Variants in FMR1NB observed in about 807,000 individuals in gnomAD.
FMR1NB encodes FMR1 neighbor protein.
FMR1NB carries 10 observed loss-of-function variants against 16.8 expected under a neutral mutation model. That is an observed-to-expected ratio of 0.60 (90% CI 0.37 to 1.01). The LOEUF is 1.01. Ranked by LOEUF, FMR1NB falls within the 50% of genes least tolerant of loss-of-function variation. The pLI is 0.01. For synonymous variants in FMR1NB, 83 were observed against 79.1 expected (o/e 1.05, Z -0.26); for missense variants, 205 against 204.8 (o/e 1.00, Z 0.00).
At chrX:147,994,355 A>G (rs1416129736) in intron 1 of FMR1NB, among the ~76,000 whole-genome samples, 1 of 112,381 alleles carries the variant, frequency 8.9e-6, no homozygotes, top group African/African-American at 3.2e-5. Flanking sequence ...TCATAATTAA[A>G]TAAAGTATAT....
chrX:148,006,225 A>C (rs1557189076), intron 2 of FMR1NB, among the ~76,000 whole-genome samples: 1 of 112,112 alleles, frequency 8.9e-6, no homozygotes, highest in Non-Finnish European at 1.9e-5. Flanking sequence ...CCAATATGAT[A>C]AGTGTTCACA....
At chrX:148,004,710 T>C (rs1208448775) in intron 2 of FMR1NB, among the ~76,000 whole-genome samples, 1 of 112,374 alleles carries the variant, frequency 8.9e-6, no homozygotes, top group Admixed American at 9.5e-5. Context: ...TTGTAAAATA[T>C]TTATCTCTTG....
intron 2 of FMR1NB, among the ~76,000 whole-genome samples, chrX:148,004,136 A>G (rs1557188869): frequency 8.9e-6 from 1 of 112,360 alleles, no homozygotes; most frequent in Non-Finnish European, 1.9e-5. Context: ...GAATAGCAAA[A>G]TAAACAAGTT....
intron 2 of FMR1NB, among the ~76,000 whole-genome samples, chrX:148,004,673 T>C (rs1427411518): frequency 2.7e-5 from 3 of 112,121 alleles, no homozygotes; most frequent in Non-Finnish European, 5.6e-5. Flanking sequence ...GAAAAAAAAG[T>C]TCGTTGTTTT....
At chrX:148,021,670 C>T (rs1432277442) in intron 4 of FMR1NB, among the ~76,000 whole-genome samples, 1 of 111,003 alleles carries the variant, frequency 9.0e-6, no homozygotes, top group African/African-American at 3.3e-5. Context: ...CATCCTTGGC[C>T]ACCCAGTTTC....
At chrX:147,987,329 T>C (rs1057041018) in intron 1 of FMR1NB, among the ~76,000 whole-genome samples, 9 of 111,960 alleles carry the variant, frequency 8.0e-5, no homozygotes, top group African/African-American at 2.3e-4. Context: ...TTCTCTGGCA[T>C]GATTGCTTTG....
chrX:148,014,153 T>C (rs182213049), intron 4 of FMR1NB, among the ~76,000 whole-genome samples: 1 of 111,312 alleles, frequency 9.0e-6, no homozygotes, highest in Non-Finnish European at 1.9e-5. Context: ...ATGATATATC[T>C]AATCCAAGAG....
intron 1 of FMR1NB, among the ~76,000 whole-genome samples, chrX:147,998,583 T>A (rs1452539267): frequency 2.7e-5 from 3 of 112,382 alleles, no homozygotes; most frequent in African/African-American, 9.7e-5. Flanking sequence ...TGCACATGTA[T>A]CCCAGAACTC....
At chrX:148,026,324 T>C (rs2044703412) in intron 5 of FMR1NB, among the ~76,000 whole-genome samples, 178 bp from the exon 6 acceptor site, 1 of 111,872 alleles carries the variant, frequency 8.9e-6, no homozygotes. Flanking sequence ...GTTTTATATG[T>C]ATGCCTCACA....
At position 148,015,644 on chromosome X, in the gene FMR1NB, T is replaced by C. The variant is rs138724830; in HGVS notation, c.632+6933T>C. The stretch of plus-strand genomic sequence containing the variant: ...ATAGTTTCCAAATTTCCTTTTGTTA[T>C]TGATTTCTAGTTTTATTCCATTTTG... On this transcript the variant is annotated intron_variant, in intron 4 of 5. Coordinates refer to ENST00000370467, the MANE Select transcript of FMR1NB (RefSeq NM_152578.3). 7.0e-3 allele frequency among the ~76,000 whole-genome samples: 787 copies of C among 112,505 alleles called. 7 individuals carry two copies. The highest frequency in any genetic ancestry group is 0.025 in the African/African-American group (764 of 31,001).
chrX:148,023,572 C>T (rs1246850273), intron 4 of FMR1NB, among the ~76,000 whole-genome samples: 2 of 111,980 alleles, frequency 1.8e-5, no homozygotes, highest in African/African-American at 6.5e-5. Context: ...TCTTCTTCTG[C>T]ATGCTACCTA....
At chrX:148,015,499 G>A (rs1410857486) in intron 4 of FMR1NB, among the ~76,000 whole-genome samples, 4 of 111,481 alleles carry the variant, frequency 3.6e-5, no homozygotes, top group Non-Finnish European at 5.7e-5. Context: ...TGTATCCCAG[G>A]TTTTGGTATA....
rs781996475 is a variant in FMR1NB at position 147,981,389 on chromosome X, C to A, written c.-14C>A. 1.7e-6 allele frequency: 2 copies of A among 1,201,008 alleles called. No homozygotes were observed. The highest frequency in any genetic ancestry group is 2.2e-6 in the Non-Finnish European group (2 of 889,048). ...GCTGTGAGGCAGCGTCTCAGCGAGG[C>A]GGCACCCGGAGCCATGTCTTCACAT... On this transcript the variant is annotated 5_prime_UTR_variant, in exon 1 of 6. Coordinates refer to ENST00000370467, the MANE Select transcript of FMR1NB (RefSeq NM_152578.3).
chrX:148,012,406 C>T (rs1156848947), intron 4 of FMR1NB, among the ~76,000 whole-genome samples: 1 of 111,670 alleles, frequency 9.0e-6, no homozygotes, highest in Non-Finnish European at 1.9e-5. Context: ...AACATAATAC[C>T]ATGCCTGTTA....
intron 1 of FMR1NB, among the ~76,000 whole-genome samples, chrX:147,997,291 A>G (rs782084161): frequency 1.4e-4 from 16 of 112,207 alleles, no homozygotes; most frequent in Non-Finnish European, 2.6e-4. Flanking sequence ...CAGAGGCCTC[A>G]GAAATAATGC....
intron 1 of FMR1NB, among the ~76,000 whole-genome samples, chrX:147,984,682 C>T (rs1321777039): frequency 1.8e-5 from 2 of 111,498 alleles, no homozygotes; most frequent in African/African-American, 6.5e-5. Flanking sequence ...TTTTACTTTC[C>T]GATTTTCATG....
Position 148,011,751 on chromosome X carries a change from T to C in FMR1NB, c.632+3040T>C, listed in dbSNP as rs2069079. Among the ~76,000 whole-genome samples the C allele has an allele frequency of 1.8e-4, 20 of 110,841 alleles. No homozygotes were observed. In the East Asian group the frequency reaches 5.4e-3, roughly 30 times the overall value. On this transcript the variant is annotated intron_variant, in intron 4 of 5. Coordinates refer to ENST00000370467, the MANE Select transcript of FMR1NB (RefSeq NM_152578.3). The stretch of plus-strand genomic sequence containing the variant: ...AATTAATTACATTCAGATGGTGGTC[T>C]TCTCACTATAGACACCTTAATTTAT...
intron 2 of FMR1NB, among the ~76,000 whole-genome samples, chrX:148,006,188 C>T (rs1299178584): frequency 4.5e-5 from 5 of 111,443 alleles, no homozygotes; most frequent in Non-Finnish European, 7.5e-5. Flanking sequence ...AAGGGTGAAA[C>T]GAAGAATCTT....
At chrX:147,989,544 C>G (rs921561071) in intron 1 of FMR1NB, among the ~76,000 whole-genome samples, 1 of 112,047 alleles carries the variant, frequency 8.9e-6, no homozygotes, top group Admixed American at 9.4e-5. Context: ...TTGTAGAACC[C>G]TCCTTGTCAG....
Sources: allele counts gnomAD v4.1 joint callset (sites outside exome capture counted in the v4.1 genomes callset), GRCh38; gene constraint gnomAD v4.1.1; transcripts MANE v1.5; gene names NCBI Gene and HGNC (gene_info 2026-07-23, HGNC 2026-07-21).